Variants in ZMYM1 observed in about 807,000 individuals in gnomAD.
The protein encoded by ZMYM1 is zinc finger MYM-type containing 1.
In ZMYM1, 39 loss-of-function variants were observed where a neutral mutation model predicts 60.0. That is an observed-to-expected ratio of 0.65 (90% CI 0.50 to 0.85). The LOEUF (loss-of-function observed/expected upper bound fraction) is 0.85. Ranked by LOEUF, ZMYM1 falls within the 40% of genes least tolerant of loss-of-function variation. The probability of loss-of-function intolerance (pLI) is 0.00; values close to 1 mark genes in which losing one functional copy is unlikely to be tolerated. For synonymous variants in ZMYM1, 413 were observed against 454.0 expected, an observed-to-expected ratio of 0.91 and a Z score of 1.15; for missense variants, 1,171 against 1,309.5, an observed-to-expected ratio of 0.89 and a Z score of 1.63.
chr1:35,095,515 A>AG (rs1643263460), intron 2 of ZMYM1, among the ~76,000 whole-genome samples: 7 of 151,906 alleles, frequency 4.6e-5, no homozygotes, highest in Admixed American at 4.6e-4. Context: ...AAAAAAAAAA[A>AG]ACAAGTAGGG....
chr1:35,113,499 A>G lies in ZMYM1; in HGVS notation c.1669A>G (p.Ile557Val), dbSNP rs1206091307. 2.5e-6 allele frequency: 4 copies of G among 1,609,720 alleles called. No homozygotes were observed. Among genetic ancestry groups the G allele is most frequent in the East Asian group, 4.5e-5 (2 of 44,852 alleles). The stretch of plus-strand genomic sequence containing the variant: ...GGGAAATAAAAAGTACCTAAAGCTT[A>G]TAATTGAAAATATTTTATTTCTTGG... ...IEGNKKYLKL[I>V]IENILFLGKQ... Residue 557 changes from isoleucine to valine, a missense_variant, in exon 10 of 10, where the codon ATA (isoleucine) becomes GTA (valine). By Grantham distance (29) the Ile-to-Val change is conservative (BLOSUM62 3). Transcript: ENST00000359858.
intron 3 of ZMYM1, among the ~76,000 whole-genome samples, chr1:35,096,899 G>A (rs762622680): frequency 3.6e-4 from 54 of 152,096 alleles, no homozygotes; most frequent in Non-Finnish European, 6.5e-4. Flanking sequence ...TCACCATATT[G>A]CCCGGGATGG....
At position 35,115,439 on chromosome 1, in the gene ZMYM1, A is replaced by G. The variant is rs1644235414; in HGVS notation, c.*180A>G. The G allele has an allele frequency of 1.6e-6, 1 of 642,900 alleles. No individual in the cohort carries two copies. Among genetic ancestry groups the G allele is most frequent in the African/African-American group, 1.8e-5 (1 of 54,068 alleles). 39.8% of individuals were successfully genotyped at this position (642,900 alleles called of 1,614,324 possible). ...TTTCCTTAAATATCCCTCTAGAGGT[A>G]TTTTTCCTAAGTGGTATTGTACGGT... On this transcript the variant is annotated 3_prime_UTR_variant, in exon 10 of 10. Coordinates refer to ENST00000359858, the MANE Select transcript of ZMYM1 (RefSeq NM_024772.5).
intron 1 of ZMYM1, among the ~76,000 whole-genome samples, chr1:35,089,738 CTTTTTTTTT>C (rs71029065): frequency 1.6e-4 from 10 of 60,994 alleles, no homozygotes; most frequent in African/African-American, 2.1e-4. Context: ...AGTTGTAAGG[CTTTTTTTTT>C]TTTTTTTTTT....
chr1:35,103,066 C>T (rs905540848), intron 4 of ZMYM1, among the ~76,000 whole-genome samples: 2 of 152,156 alleles, frequency 1.3e-5, no homozygotes, highest in African/African-American at 4.8e-5. Context: ...TGCTAAGGCT[C>T]TGACGGTTTT....
rs2971408 is a variant in ZMYM1 at position 35,097,364 on chromosome 1, G to A, written c.217G>A (p.Val73Met). 0.91 allele frequency: 1,465,983 copies of A among 1,613,766 alleles called. 668,237 individuals are homozygous for A. The highest frequency in any genetic ancestry group is 0.93 in the Non-Finnish European group (1,098,704 of 1,179,890). The change falls in exon 4 of 10, where the codon GTG (valine) becomes ATG (methionine). Residue 73 changes from valine to methionine, a missense_variant. Val to Met is a conservative substitution (Grantham distance 21). Transcript: ENST00000359858. ...TCAGCTTTCTCTGGCATCATCTGGCGTGAATAAAATGCTTCCTTCAGTTTC... is the reference window on the plus strand; with the variant it reads ...TCAGCTTTCTCTGGCATCATCTGGCATGAATAAAATGCTTCCTTCAGTTTC... Reference protein sequence around the residue: ...GIQLSLASSGVNKMLPSVSTT... With the variant: ...GIQLSLASSGMNKMLPSVSTT...
At chr1:35,090,516 C>T (rs1442247310) in intron 1 of ZMYM1, among the ~76,000 whole-genome samples, 1 of 152,066 alleles carries the variant, frequency 6.6e-6, no homozygotes, top group Non-Finnish European at 1.5e-5. Flanking sequence ...GCACATACAC[C>T]CCAGAACTTT....
chr1:35,100,803 C>T (rs917955675), intron 4 of ZMYM1, among the ~76,000 whole-genome samples: 7 of 150,644 alleles, frequency 4.6e-5, no homozygotes, highest in African/African-American at 7.4e-5. Flanking sequence ...AATTTGTTGG[C>T]GTTTCTTTTT....
In ZMYM1 at chr1:35,115,463, G is replaced by A. The variant is rs527500837; in HGVS notation, c.*204G>A. 8 of 416,632 alleles carry A rather than the reference G, an allele frequency of 1.9e-5. No homozygotes were observed. The highest frequency in any genetic ancestry group is 1.6e-4 in the African/African-American group (8 of 48,898). The allele number at this position is 416,632 out of a possible 1,614,324, so 25.8% of individuals were successfully genotyped here. On this transcript the variant is annotated 3_prime_UTR_variant, in exon 10 of 10. Coordinates refer to ENST00000359858, the MANE Select transcript of ZMYM1 (RefSeq NM_024772.5). ...TATTTTTCCTAAGTGGTATTGTACG[G>A]TGTATACTGTTCTTCAGCTTGTCTT...
chr1:35,079,743 T>C (rs1175915103), intron 1 of ZMYM1, among the ~76,000 whole-genome samples: 1 of 152,218 alleles, frequency 6.6e-6, no homozygotes, highest in Non-Finnish European at 1.5e-5. Context: ...CAGACTTTAG[T>C]CTCGCTCCGC....
At chr1:35,088,454 A>ATATATATATATATGTGTG (rs1464546786) in intron 1 of ZMYM1, among the ~76,000 whole-genome samples, 1 of 107,250 alleles carries the variant, frequency 9.3e-6, no homozygotes, top group Non-Finnish European at 1.7e-5. Flanking sequence ...ATATATATAT[A>ATATATATATATATGTGTG]TGTGTGTGTG....
rs372094756 is a variant in ZMYM1 at position 35,113,528 on chromosome 1, G to A, written c.1698G>A (p.Lys566=). ...LIIENILFLG[K]QCLPLRGNDQ... ...TTGAAAATATTTTATTTCTTGGAAA[G>A]CAGTGTTTACCCTTAAGAGGAAACG... Residue 566 remains lysine, a synonymous_variant, in exon 10 of 10, where the codon AAG becomes AAA. Transcript: ENST00000359858. 7 of 1,610,356 alleles carry A rather than the reference G, an allele frequency of 4.3e-6. No individual in the cohort carries two copies. The highest frequency in any genetic ancestry group is 4.5e-5 in the East Asian group (2 of 44,838).
In ZMYM1 at chr1:35,114,990, T is replaced by G. The variant is rs1341345106; in HGVS notation, c.3160T>G (p.Phe1054Val). 1 of 1,614,122 alleles carries G rather than the reference T, an allele frequency of 6.2e-7. No individual in the cohort carries two copies. The highest frequency in any genetic ancestry group is 1.1e-5 in the South Asian group (1 of 91,070). Residue 1054 changes from phenylalanine (F) to valine (V), a missense_variant, in exon 10 of 10, where the codon TTT becomes GTT. By Grantham distance (50) the Phe-to-Val change is conservative. Coordinates refer to ENST00000359858, the MANE Select transcript of ZMYM1 (RefSeq NM_024772.5). ...AAACTTCGTCAGTCTCGGCTGTTTG[T>G]TTATTCAGCATGGTCTTCACAGTAA... ...CINFVSLGCL[F>V]IQHGLHSNIP...
Position 35,104,576 on chromosome 1 carries a change from A to C in ZMYM1, c.614A>C (p.Tyr205Ser). The change falls in exon 6 of 10, where the codon TAC (tyrosine) becomes TCC (serine). Residue 205 changes from tyrosine to serine, a missense_variant. By Grantham distance (144) the Tyr-to-Ser change is moderately radical. Coordinates refer to ENST00000359858, the MANE Select transcript of ZMYM1 (RefSeq NM_024772.5). Reference protein sequence around the residue: ...KTAIIQYEVKYQNVKHNLCSN... With the variant: ...KTAIIQYEVKSQNVKHNLCSN... Reference sequence around the variant, plus strand: ...TCCTAGATTCAGTATGAAGTAAAATACCAAAATGTGAAACATAATCTTTGC... The same window carrying C: ...TCCTAGATTCAGTATGAAGTAAAATCCCAAAATGTGAAACATAATCTTTGC... The C allele has an allele frequency of 6.2e-7, 1 of 1,614,164 alleles. No individual in the cohort carries two copies. Among genetic ancestry groups the C allele is most frequent in the Non-Finnish European group, 8.5e-7 (1 of 1,180,014 alleles).
chr1:35,095,714 C>G (rs1026726781), intron 2 of ZMYM1, 105 bp from the exon 3 acceptor site: 33 of 935,760 alleles, frequency 3.5e-5, no homozygotes, highest in Admixed American at 5.8e-5. Flanking sequence ...TTATACAATT[C>G]ATTGACCAGA....
intron 1 of ZMYM1, chr1:35,093,450 CACCACA>C (rs1446408822): frequency 1.3e-5 from 2 of 152,384 alleles, no homozygotes; most frequent in Non-Finnish European, 2.9e-5. Context: ...AGGTATGTGC[CACCACA>C]ACCCGGCTAA....
In ZMYM1 at chr1:35,104,370, A is replaced by G. The variant is rs767496189; in HGVS notation, c.495A>G (p.Leu165=). ...CCTCTTGCAAAACTTTTTGCAGCCT[A>G]TCTTGTCTTTCATCATATGAAGAAA... ...DTTSCKTFCS[L]SCLSSYEEKR... Residue 165 remains leucine (L), a synonymous_variant, in exon 5 of 10, where the codon CTA becomes CTG. Transcript: ENST00000359858. 5 of 1,612,726 alleles carry G rather than the reference A, an allele frequency of 3.1e-6. No individual in the cohort carries two copies. The African/African-American group carries it at 4.0e-5, about 13-fold the overall frequency.
intron 2 of ZMYM1, among the ~76,000 whole-genome samples, chr1:35,094,481 C>T (rs1643202052): frequency 6.6e-6 from 1 of 151,932 alleles, no homozygotes; most frequent in Non-Finnish European, 1.5e-5. Flanking sequence ...TTTTTTTAGA[C>T]ATATCACTAA....
At chr1:35,064,050 G>A (rs778685608) in intron 1 of ZMYM1, among the ~76,000 whole-genome samples, 15 of 152,068 alleles carry the variant, frequency 9.9e-5, no homozygotes, top group Non-Finnish European at 2.1e-4. Context: ...TTTCAGCCGG[G>A]CACAGTGGCT....
Sources: gnomAD v4.1 joint callset for allele counts (sites outside exome capture counted in the v4.1 genomes callset) on GRCh38, gnomAD v4.1.1 for gene constraint, MANE v1.5 for transcripts, NCBI Gene and HGNC (gene_info 2026-07-23, HGNC 2026-07-21) for gene names.